The following AAK1 variants were observed in gnomAD, a reference collection of about 807,000 sequenced individuals.
The protein encoded by AAK1 is AP2-associated protein kinase 1.
In AAK1, 37 loss-of-function variants were observed where a neutral mutation model predicts 116.0. That is an observed-to-expected ratio of 0.32 (90% CI 0.25 to 0.42). The LOEUF is 0.42. Among genes scored for constraint, AAK1 ranks in the 10% least tolerant of loss-of-function variants. The probability of loss-of-function intolerance (pLI) is 1.00; values close to 1 mark genes in which losing one functional copy is unlikely to be tolerated. For synonymous variants in AAK1, 458 were observed against 439.9 expected, an observed-to-expected ratio of 1.04 and a Z score of -0.51; for missense variants, 919 against 1,170.6, an observed-to-expected ratio of 0.79 and a Z score of 3.14.
At chr2:69,546,987 G>A (rs781458484) in intron 3 of AAK1, among the ~76,000 whole-genome samples, 1 of 152,242 alleles carries the variant, frequency 6.6e-6, no homozygotes, top group Non-Finnish European at 1.5e-5. Context: ...GATCCTTTGA[G>A]TGGCATCAGT....
intron 2 of AAK1, among the ~76,000 whole-genome samples, chr2:69,588,373 G>T (rs1222723299): frequency 6.6e-6 from 1 of 152,172 alleles, no homozygotes; most frequent in Non-Finnish European, 1.5e-5. Flanking sequence ...GGGAACTTTT[G>T]CTGATATAGG....
chr2:69,564,608 C>T (rs1242433063), intron 2 of AAK1, among the ~76,000 whole-genome samples: 2 of 152,142 alleles, frequency 1.3e-5, no homozygotes, highest in African/African-American at 4.8e-5. Flanking sequence ...GGAGCTATGC[C>T]CCGCTTCACC....
chr2:69,559,266 A>T (rs58209476), intron 2 of AAK1, among the ~76,000 whole-genome samples: 10,602 of 102,216 alleles, frequency 0.1, 698 homozygotes, highest in African/African-American at 0.24. Context: ...TCTCTCTCAC[A>T]CACACACACA....
intron 2 of AAK1, among the ~76,000 whole-genome samples, chr2:69,564,518 A>G (rs770314154): frequency 1.3e-5 from 2 of 152,236 alleles, no homozygotes; most frequent in Non-Finnish European, 2.9e-5. Flanking sequence ...CAAAAAGACT[A>G]CACCACTACA....
At chr2:69,530,496 C>T (rs965130311) in intron 7 of AAK1, 129 bp downstream of exon 7, 9 of 692,980 alleles carry the variant, frequency 1.3e-5, no homozygotes, top group Non-Finnish European at 1.9e-5. Flanking sequence ...TCAAGAATAA[C>T]CTTGAGGGGT....
At chr2:69,591,292 ATCAAAACC>A (rs1673013806) in intron 2 of AAK1, among the ~76,000 whole-genome samples, 2 of 152,174 alleles carry the variant, frequency 1.3e-5, no homozygotes, top group Non-Finnish European at 2.9e-5. Context: ...CTGGTGATCA[ATCAAAACC>A]AGTAAGGTCT....
chr2:69,518,457 T>C (rs967012105), intron 12 of AAK1, among the ~76,000 whole-genome samples: 4 of 151,286 alleles, frequency 2.6e-5, no homozygotes, highest in South Asian at 2.1e-4. Context: ...CTTGCTCTTG[T>C]TGCCCAGGCT....
At chr2:69,549,599 C>T (rs1475804296) in intron 3 of AAK1, among the ~76,000 whole-genome samples, 1 of 152,082 alleles carries the variant, frequency 6.6e-6, no homozygotes, top group Non-Finnish European at 1.5e-5. Flanking sequence ...CAGAGTAGAC[C>T]AGCACTATCA....
chr2:69,524,602 T>G (rs954062270), intron 10 of AAK1, among the ~76,000 whole-genome samples: 3 of 31,280 alleles, frequency 9.6e-5, no homozygotes, highest in Non-Finnish European at 1.7e-4. Context: ...ACCCAGCTAA[T>G]TTTTGTATTT....
At chr2:69,617,698 T>C (rs971540452) in intron 2 of AAK1, among the ~76,000 whole-genome samples, 1 of 152,142 alleles carries the variant, frequency 6.6e-6, no homozygotes, top group Non-Finnish European at 1.5e-5. Context: ...GAACAACTAA[T>C]CACATGTAAA....
chr2:69,500,661 T>TAA (rs1487740639), intron 16 of AAK1, among the ~76,000 whole-genome samples: 5 of 47,766 alleles, frequency 1.0e-4, no homozygotes, highest in African/African-American at 2.8e-4. Flanking sequence ...TTAAGTCCCT[T>TAA]AAAATATATA....
intron 2 of AAK1, among the ~76,000 whole-genome samples, chr2:69,595,331 G>T (rs748352472): frequency 6.6e-6 from 1 of 152,200 alleles, no homozygotes; most frequent in Non-Finnish European, 1.5e-5. Flanking sequence ...GGCTAGGCTG[G>T]TCTCGAACTC....
intron 2 of AAK1, among the ~76,000 whole-genome samples, chr2:69,559,378 G>A (rs1671536751): frequency 1.3e-5 from 2 of 152,048 alleles, no homozygotes; most frequent in East Asian, 1.9e-4. Flanking sequence ...TAATAAAAAT[G>A]TGCATTTAAT....
At chr2:69,622,103 C>T (rs971889835) in intron 2 of AAK1, among the ~76,000 whole-genome samples, 3 of 152,356 alleles carry the variant, frequency 2.0e-5, no homozygotes, top group East Asian at 3.9e-4. Context: ...GGGCGGGAAC[C>T]GGGGCTGCGC....
rs1199686242 is a variant in AAK1 at position 69,505,576 on chromosome 2, A to T, written c.2262T>A (p.Ala754=). The change falls in exon 16 of 22, where the codon GCT becomes GCA. Residue 754 remains alanine (A), a synonymous_variant. Coordinates refer to ENST00000409085, the MANE Select transcript of AAK1 (RefSeq NM_014911.5). ...GDAFATTSFS[A]GTAEKRKGGQ... is the part of the protein sequence containing the mutation. Reference sequence around the variant, plus strand: ...GGTATTTGCCATACTAACCAGTTCCAGCAGAAAATGAGGTCGTAGCAAAAG... The same window carrying T: ...GGTATTTGCCATACTAACCAGTTCCTGCAGAAAATGAGGTCGTAGCAAAAG... The T allele has an allele frequency of 6.2e-7, 1 of 1,613,580 alleles. No individual in the cohort carries two copies. Among genetic ancestry groups the T allele is most frequent in the East Asian group, 2.2e-5 (1 of 44,872 alleles).
chr2:69,585,818 C>T (rs1207103215), intron 2 of AAK1, among the ~76,000 whole-genome samples: 1 of 152,170 alleles, frequency 6.6e-6, no homozygotes, highest in African/African-American at 2.4e-5. Context: ...TTTACATAAA[C>T]TTGAGAAAGT....
intron 16 of AAK1, among the ~76,000 whole-genome samples, chr2:69,502,393 G>A (rs192189072): frequency 1.3e-5 from 2 of 151,976 alleles, no homozygotes; most frequent in Admixed American, 6.6e-5. Flanking sequence ...AGGCTGAGGC[G>A]GGAGGATCAC....
At position 69,586,935 on chromosome 2, in the gene AAK1, T is replaced by G. The variant is rs148373038; in HGVS notation, c.164-29957A>C. On this transcript the variant is annotated intron_variant, in intron 2 of 21. Transcript: ENST00000409085. ...ATAGGCAGTTAGCTGTGAGAACCAA[T>G]GCACCATGCTTTCAAATGCAGTAAT... is the stretch of plus-strand genomic sequence containing the variant. Among the ~76,000 whole-genome samples the G allele has an allele frequency of 6.4e-3, 974 of 152,276 alleles. 21 individuals are homozygous for G. The highest frequency in any genetic ancestry group is 0.011 in the East Asian group (59 of 5,188).
chr2:69,482,892 G>T, intron 17 of AAK1, 80 bp from the exon 18 acceptor site: 1 of 849,490 alleles, frequency 1.2e-6, no homozygotes, highest in Non-Finnish European at 1.9e-6. Flanking sequence ...TATTCTTTAA[G>T]CAAACACATT....
Sources: gnomAD v4.1 joint callset for allele counts (sites outside exome capture counted in the v4.1 genomes callset) on GRCh38, gnomAD v4.1.1 for gene constraint, MANE v1.5 for transcripts, NCBI Gene and HGNC (gene_info 2026-07-23, HGNC 2026-07-21) for gene names.